CPLX1: variants seen among roughly 807,000 people sequenced by gnomAD.
CPLX1 encodes the protein complexin 1.
In CPLX1, 6 loss-of-function variants were observed where a neutral mutation model predicts 15.6. The observed-to-expected ratio is 0.39, with a 90% CI of 0.21 to 0.76. The LOEUF is 0.76. Ranked by LOEUF, CPLX1 falls within the 30% of genes least tolerant of loss-of-function variation. CPLX1 has a pLI of 0.43. For missense variants in CPLX1, 242 were observed against 188.6 expected, an observed-to-expected ratio of 1.28 and a Z score of -1.66; for synonymous variants, 91 against 75.2, an observed-to-expected ratio of 1.21 and a Z score of -1.08.
chr4:805,964 A>C (rs1227067135), intron 2 of CPLX1, among the ~76,000 whole-genome samples: 3 of 152,130 alleles, frequency 2.0e-5, no homozygotes, highest in Non-Finnish European at 4.4e-5. Context: ...GAGAGTGGGG[A>C]GTGAGTGTTT....
chr4:792,348 G>A, intron 3 of CPLX1, 85 bp downstream of exon 3: 1 of 1,305,504 alleles, frequency 7.7e-7, no homozygotes, highest in East Asian at 2.8e-5. Flanking sequence ...CCCTCTTCCG[G>A]GCAGCCCCTT....
chr4:822,176 C>T (rs1746880541), intron 2 of CPLX1, among the ~76,000 whole-genome samples: 1 of 150,862 alleles, frequency 6.6e-6, no homozygotes, highest in South Asian at 2.1e-4. Context: ...CTCTCCCCAT[C>T]TCTGTCTCTC....
intron 3 of CPLX1, among the ~76,000 whole-genome samples, chr4:791,317 C>T (rs3775144): frequency 0.054 from 8,153 of 151,022 alleles, 371 homozygotes; most frequent in South Asian, 0.16. Flanking sequence ...TCCCCATCAG[C>T]GGCTTCTCTG....
intron 3 of CPLX1, chr4:787,977 A>G (rs1029907698): frequency 1.0e-6 from 1 of 985,402 alleles, no homozygotes. Context: ...AAGGTCCTGG[A>G]TCTGAGATTA....
In CPLX1 at chr4:824,519, C is replaced by T; in HGVS notation, c.4G>A (p.Glu2Lys). The change falls in exon 2 of 4, where the codon GAG (glutamate) becomes AAG (lysine). Residue 2 changes from glutamate (E) to lysine (K), a missense_variant. Physicochemically the swap from Glu to Lys is moderately conservative, Grantham distance 56 (BLOSUM62 1). Coordinates refer to ENST00000304062, the MANE Select transcript of CPLX1 (RefSeq NM_006651.4). M[E>K]FVMKQALGGA... ...CCTAGAGCCTGCTTCATCACAAACT[C>T]CATGGCGATTGCTCTGCTTCCACAG... 6.2e-7 allele frequency: 1 copy of T among 1,612,942 alleles called. No individual in the cohort carries two copies. Among genetic ancestry groups the T allele is most frequent in the Non-Finnish European group, 8.5e-7 (1 of 1,179,798 alleles).
intron 2 of CPLX1, among the ~76,000 whole-genome samples, chr4:800,758 C>CATAT: frequency 6.9e-6 from 1 of 145,246 alleles, no homozygotes; most frequent in East Asian, 2.0e-4. Flanking sequence ...TATATATACA[C>CATAT]ACACATATAC....
intron 3 of CPLX1, chr4:787,197 C>T (rs1577466331): frequency 1.0e-6 from 1 of 985,292 alleles, no homozygotes; most frequent in Non-Finnish European, 1.2e-6. Flanking sequence ...CCAGCAGGGC[C>T]ACTCCCTGGC....
chr4:793,718 G>A (rs1322457974), intron 2 of CPLX1, among the ~76,000 whole-genome samples: 7 of 152,176 alleles, frequency 4.6e-5, no homozygotes, highest in Non-Finnish European at 5.9e-5. Context: ...TGCAAATGCC[G>A]CTCTCCCCCC....
intron 2 of CPLX1, among the ~76,000 whole-genome samples, chr4:809,311 G>T (rs775168616): frequency 6.6e-6 from 1 of 152,202 alleles, no homozygotes; most frequent in East Asian, 1.9e-4. Flanking sequence ...AGGAGTGCAC[G>T]GGGTGGGGCC....
At chr4:823,981 G>T (rs532328113) in intron 2 of CPLX1, among the ~76,000 whole-genome samples, 1 of 152,216 alleles carries the variant, frequency 6.6e-6, no homozygotes, top group African/African-American at 2.4e-5. Context: ...TGAGGATGGC[G>T]CTGCCTCACC....
chr4:789,207 A>G (rs1746093009), intron 3 of CPLX1, among the ~76,000 whole-genome samples: 1 of 152,078 alleles, frequency 6.6e-6, no homozygotes. Context: ...TCTGGCTGAG[A>G]CCCAGTTCTG....
chr4:824,585 G>A lies in CPLX1; in HGVS notation c.-63C>T, dbSNP rs190844274. The A allele has an allele frequency of 4.5e-6, 7 of 1,563,036 alleles. No homozygotes were observed. The highest frequency in any genetic ancestry group is 2.2e-5 in the East Asian group (1 of 44,668). On this transcript the variant is annotated 5_prime_UTR_variant, in exon 2 of 4. Coordinates refer to ENST00000304062, the MANE Select transcript of CPLX1 (RefSeq NM_006651.4). The stretch of plus-strand genomic sequence containing the variant: ...TCAGAACTCACACGCAAGTATGGCC[G>A]GGAGCGAGTGTTCTTCCTGGGGGAG...
rs1282668834 is a variant in CPLX1, at chr4:786,675, C to T, written c.231G>A (p.Glu77=). ...RDKYGIKKKE[E]REAEAQAAME... is the part of the protein sequence containing the mutation. ...TGGCGGCCTGGGCCTCGGCCTCGCGCTCCTCCTTCTTCTTGATGCCGTACT... is the reference window on the plus strand; with the variant it reads ...TGGCGGCCTGGGCCTCGGCCTCGCGTTCCTCCTTCTTCTTGATGCCGTACT... Residue 77 remains glutamate, a synonymous_variant, in exon 4 of 4, where the codon GAG becomes GAA. Coordinates refer to ENST00000304062, the MANE Select transcript of CPLX1 (RefSeq NM_006651.4). 6.2e-7 allele frequency: 1 copy of T among 1,609,628 alleles called. No homozygotes were observed. Among genetic ancestry groups the T allele is most frequent in the Non-Finnish European group, 8.5e-7 (1 of 1,178,002 alleles).
In CPLX1 at chr4:786,440, T is replaced by G. The variant is rs1310944678; in HGVS notation, c.*61A>C. On this transcript the variant is annotated 3_prime_UTR_variant, in exon 4 of 4. Coordinates refer to ENST00000304062, the MANE Select transcript of CPLX1 (RefSeq NM_006651.4). ...GCGCTCTGCTCGTCCCTCAGGGGCCTCCGCGGAGGATCTGTAGGGGGAGGG... is the reference window on the plus strand; with the variant it reads ...GCGCTCTGCTCGTCCCTCAGGGGCCGCCGCGGAGGATCTGTAGGGGGAGGG... 6.8e-7 allele frequency: 1 copy of G among 1,473,698 alleles called. No individual in the cohort carries two copies. The highest frequency in any genetic ancestry group is 2.2e-5 in the Admixed American group (1 of 45,074). The allele number at this position is 1,473,698 out of a possible 1,614,324, so 91.3% of individuals were successfully genotyped here. A position where few individuals can be genotyped will look rare whatever the true frequency, so the allele number is the denominator to read the frequency against.
At chr4:787,875 C>G in intron 3 of CPLX1, 1 of 985,432 alleles carries the variant, frequency 1.0e-6, no homozygotes, top group Non-Finnish European at 1.2e-6. Flanking sequence ...AGGTGGGAAC[C>G]AGTGGGGTTG....
chr4:816,363 C>CAT (rs1746756102), intron 2 of CPLX1, among the ~76,000 whole-genome samples: 2 of 151,780 alleles, frequency 1.3e-5, no homozygotes, highest in Admixed American at 1.3e-4. Flanking sequence ...GGATTACAGG[C>CAT]GCCCACCACC....
intron 2 of CPLX1, among the ~76,000 whole-genome samples, chr4:815,187 G>C (rs1377718795): frequency 6.6e-6 from 1 of 152,142 alleles, no homozygotes; most frequent in Non-Finnish European, 1.5e-5. Context: ...GAGGCGGGTG[G>C]ATCATCTGAG....
chr4:807,990 G>A (rs1014372589), intron 2 of CPLX1, among the ~76,000 whole-genome samples: 6 of 152,208 alleles, frequency 3.9e-5, no homozygotes, highest in African/African-American at 1.4e-4. Flanking sequence ...ATCCTTGGCT[G>A]GGTGCGGCGG....
chr4:786,720 G>GGGCGGGGGTCCC lies in CPLX1; in HGVS notation c.208-34_208-23dup, dbSNP rs781114605. Reference sequence around the variant, plus strand: ...CGTACTGCGGGGGAGGCGGGGGTCAGGGCGGGGGTCCCGGCGGCTCCCGGG... The same window carrying GGGCGGGGGTCCC: ...CGTACTGCGGGGGAGGCGGGGGTCAGGGCGGGGGTCCCGGCGGGGGTCCCGGCGGCTCCCGGG... On this transcript the variant is annotated intron_variant, in intron 3 of 3. Coordinates refer to ENST00000304062, the MANE Select transcript of CPLX1 (RefSeq NM_006651.4). 3.2e-6 allele frequency: 5 copies of GGGCGGGGGTCCC among 1,568,590 alleles called. No homozygotes were observed. In the South Asian group the frequency reaches 3.5e-5, roughly 11 times the overall value.
Sources: gnomAD v4.1 joint callset for allele counts (sites outside exome capture counted in the v4.1 genomes callset) on GRCh38, gnomAD v4.1.1 for gene constraint, MANE v1.5 for transcripts, NCBI Gene and HGNC (gene_info 2026-07-23, HGNC 2026-07-21) for gene names.